ABI3BP: variants seen among roughly 807,000 people sequenced by gnomAD.
The protein encoded by ABI3BP is target of Nesh-SH3.
ABI3BP carries 216 observed loss-of-function variants against 268.6 expected under a neutral mutation model. That is an observed-to-expected ratio of 0.80 (90% CI 0.72 to 0.90). ABI3BP has a LOEUF of 0.90. ABI3BP is among the 40% of genes least tolerant of loss of function. The probability of loss-of-function intolerance (pLI) is 0.00; values close to 1 mark genes in which losing one functional copy is unlikely to be tolerated. For synonymous variants in ABI3BP, 730 were observed against 730.0 expected (o/e 1.00, Z 0.00); for missense variants, 2,090 against 2,182.4 (o/e 0.96, Z 0.84).
At chr3:100,848,277 A>G (rs1041163241) in intron 18 of ABI3BP, among the ~76,000 whole-genome samples, 1 of 152,194 alleles carries the variant, frequency 6.6e-6, no homozygotes, top group Non-Finnish European at 1.5e-5. Flanking sequence ...CATGCACACC[A>G]AAAAACGAAT....
chr3:100,822,601 C>T lies in ABI3BP; in HGVS notation c.2875G>A (p.Glu959Lys). The T allele has an allele frequency of 6.5e-7, 1 of 1,536,486 alleles. No homozygotes were observed. Among genetic ancestry groups the T allele is most frequent in the Non-Finnish European group, 8.7e-7 (1 of 1,146,900 alleles). Reference sequence around the variant, plus strand: ...ACACATAGTTTACCTGGTTTGGATTCAGGTGCTTCAGGACGTGGTGTGGTT... The same window carrying T: ...ACACATAGTTTACCTGGTTTGGATTTAGGTGCTTCAGGACGTGGTGTGGTT... ...TKTTPRPEAP[E>K]SKPVPTAELK... is the part of the protein sequence containing the mutation. Residue 959 changes from glutamate (E) to lysine (K), a missense_variant, in exon 38 of 68, where the codon GAA becomes AAA. Coordinates refer to ENST00000471714, the MANE Select transcript of ABI3BP (RefSeq NM_001375547.2).
chr3:100,985,304 C>T (rs182979312), intron 1 of ABI3BP, among the ~76,000 whole-genome samples: 1 of 151,878 alleles, frequency 6.6e-6, no homozygotes, highest in African/African-American at 2.4e-5. Context: ...CACGTGCCAC[C>T]ATGCCCGGCT....
Position 100,811,740 on chromosome 3 carries a change from G to A in ABI3BP, c.3481C>T (p.Pro1161Ser). The part of the protein sequence containing the change: ...TAKAPLWPEE[P>S]KTEVVESITY... ...AAACCTTTGCTACCTTCAGTCTTTG[G>A]CTCCTCTGGCCAGAGTGGTGCTTTG... Residue 1161 changes from proline (P) to serine (S), a missense_variant, in exon 47 of 68, where the codon CCA becomes TCA. By Grantham distance (74) the Pro-to-Ser change is moderately conservative (BLOSUM62 -1). Coordinates refer to ENST00000471714, the MANE Select transcript of ABI3BP (RefSeq NM_001375547.2). 1 of 1,535,336 alleles carries A rather than the reference G, an allele frequency of 6.5e-7. No homozygotes were observed. Among genetic ancestry groups the A allele is most frequent in the Middle Eastern group, 1.7e-4 (1 of 5,982 alleles).
intron 1 of ABI3BP, among the ~76,000 whole-genome samples, chr3:100,952,221 A>G (rs1251400572): frequency 2.6e-5 from 4 of 152,204 alleles, no homozygotes; most frequent in Admixed American, 6.5e-5. Context: ...TGTACAACAT[A>G]GTGACTATAG....
chr3:100,852,794 A>T (rs2098870183), intron 14 of ABI3BP, among the ~76,000 whole-genome samples: 1 of 152,224 alleles, frequency 6.6e-6, no homozygotes, highest in South Asian at 2.1e-4. Flanking sequence ...GTATGAGCTT[A>T]AATATAAAGA....
At chr3:100,854,982 A>T (rs1270366133) in intron 14 of ABI3BP, among the ~76,000 whole-genome samples, 2 of 152,098 alleles carry the variant, frequency 1.3e-5, no homozygotes, top group Non-Finnish European at 2.9e-5. Context: ...ACTGGAGTGA[A>T]ATGGCACGAT....
At chr3:100,816,475 C>T (rs1218350630) in intron 43 of ABI3BP, 1 of 635,572 alleles carries the variant, frequency 1.6e-6, no homozygotes, top group Non-Finnish European at 2.8e-6. Context: ...CAAACCAAGT[C>T]ATTTAGGAGA....
chr3:100,917,468 A>G (rs1027308658), intron 2 of ABI3BP, among the ~76,000 whole-genome samples: 1 of 152,160 alleles, frequency 6.6e-6, no homozygotes, highest in African/African-American at 2.4e-5. Flanking sequence ...TCTAAAGTTT[A>G]AATGCTATCT....
At chr3:100,834,858 T>C (rs1269923624) in intron 28 of ABI3BP, 85 bp from the exon 29 acceptor site, 26 of 1,285,522 alleles carry the variant, frequency 2.0e-5, no homozygotes, top group Non-Finnish European at 2.7e-5. Context: ...TTTCTAAAGT[T>C]TTCCTAAGTC....
At chr3:100,765,801 G>A (rs200292267) in intron 63 of ABI3BP, 40 bp downstream of exon 63, 42 of 1,405,010 alleles carry the variant, frequency 3.0e-5, no homozygotes, top group Non-Finnish European at 4.0e-5. Flanking sequence ...TATAACTTTT[G>A]CACTCTCAGA....
Position 100,765,960 on chromosome 3 carries a change from A to G in ABI3BP, c.4742-11T>C, listed in dbSNP as rs1423685470. 1.6e-5 allele frequency: 25 copies of G among 1,580,550 alleles called. No homozygotes were observed. Among genetic ancestry groups the G allele is most frequent in the Non-Finnish European group, 2.1e-5 (24 of 1,153,768 alleles). ...ATATAACTTCATATTCTGTAAAGCGAAAGAAGCCAACAGATACTTGTTTTT... is the reference window on the plus strand; with the variant it reads ...ATATAACTTCATATTCTGTAAAGCGGAAGAAGCCAACAGATACTTGTTTTT... On this transcript the variant is annotated splice_polypyrimidine_tract_variant and intron_variant, in intron 62 of 67. Transcript: ENST00000471714.
At chr3:100,896,080 T>C (rs2153464321) in intron 4 of ABI3BP, among the ~76,000 whole-genome samples, 1 of 152,380 alleles carries the variant, frequency 6.6e-6, no homozygotes, top group South Asian at 2.1e-4. Flanking sequence ...AATGGTTCCC[T>C]ACTTTGGTCA....
Position 100,864,889 on chromosome 3 carries a change from G to A in ABI3BP, c.1007C>T (p.Pro336Leu). ...AGACGTAGTGGGTTTAGTGCTTCTT[G>A]GAACTGTTTCAGGAGTCACTGAAAG... ...RPTTVTPETV[P>L]RSTKPTTSSA... The change falls in exon 11 of 68, where the codon CCA (proline) becomes CTA (leucine). Residue 336 changes from proline to leucine, a missense_variant. Transcript: ENST00000471714. 1.2e-6 allele frequency: 2 copies of A among 1,607,388 alleles called. No homozygotes were observed. The highest frequency in any genetic ancestry group is 2.0e-4 in the Middle Eastern group (1 of 5,014).
intron 56 of ABI3BP, among the ~76,000 whole-genome samples, chr3:100,789,051 A>G (rs1176361294): frequency 6.6e-6 from 1 of 152,106 alleles, no homozygotes; most frequent in East Asian, 1.9e-4. Context: ...GAAGGAATCA[A>G]GTAAAAATGT....
At chr3:100,835,539 G>T in intron 28 of ABI3BP, 62 bp downstream of exon 28, 1 of 1,280,972 alleles carries the variant, frequency 7.8e-7, no homozygotes, top group Non-Finnish European at 1.1e-6. Flanking sequence ...CCCAAATAGT[G>T]ATGGAATAGA....
intron 58 of ABI3BP, chr3:100,778,646 G>A: frequency 2.9e-6 from 1 of 344,128 alleles, no homozygotes; most frequent in Non-Finnish European, 5.2e-6. Context: ...CTTCATATCT[G>A]TGGGTTCCCC....
At chr3:100,811,503 G>C (rs956374504) in intron 47 of ABI3BP, among the ~76,000 whole-genome samples, 1 of 151,884 alleles carries the variant, frequency 6.6e-6, no homozygotes, top group Non-Finnish European at 1.5e-5. Context: ...ATGTTATTAC[G>C]CCTCAACCTT....
intron 63 of ABI3BP, among the ~76,000 whole-genome samples, chr3:100,755,547 T>C (rs1457902686): frequency 6.6e-6 from 1 of 152,214 alleles, no homozygotes; most frequent in Non-Finnish European, 1.5e-5. Context: ...CTTAACCTTT[T>C]GTTAAACAAA....
intron 63 of ABI3BP, among the ~76,000 whole-genome samples, chr3:100,755,128 C>G (rs771584266): frequency 2.0e-5 from 3 of 152,152 alleles, no homozygotes; most frequent in African/African-American, 7.2e-5. Context: ...GGACTTAGGC[C>G]ATCTTTCTCA....
Sources: allele counts gnomAD v4.1 joint callset (sites outside exome capture counted in the v4.1 genomes callset), GRCh38; gene constraint gnomAD v4.1.1; transcripts MANE v1.5; gene names NCBI Gene and HGNC (gene_info 2026-07-23, HGNC 2026-07-21).